STAU1: variants seen among roughly 807,000 people sequenced by gnomAD.
The protein encoded by STAU1 is staufen double-stranded RNA binding protein 1, also known as double-stranded RNA-binding protein Staufen homolog 1.
A neutral mutation model predicts 62.9 loss-of-function variants in STAU1; 13 were observed. That is an observed-to-expected ratio of 0.21 (90% CI 0.13 to 0.33). The LOEUF (loss-of-function observed/expected upper bound fraction) is 0.33, where lower values mean the gene tolerates loss of function less well. Among genes scored for constraint, STAU1 ranks in the 10% least tolerant of loss-of-function variants. The pLI is 1.00. For missense variants in STAU1, 571 were observed against 712.1 expected, an observed-to-expected ratio of 0.80 and a Z score of 2.25; for synonymous variants, 269 against 265.1, an observed-to-expected ratio of 1.01 and a Z score of -0.14.
intron 6 of STAU1, among the ~76,000 whole-genome samples, chr20:49,129,641 T>TC (rs2092710102): frequency 6.8e-6 from 1 of 146,086 alleles, no homozygotes; most frequent in Non-Finnish European, 1.5e-5. Context: ...TTTTTTTTTT[T>TC]TTTTTTTTTT....
intron 3 of STAU1, chr20:49,158,456 T>C: frequency 4.6e-6 from 6 of 1,304,822 alleles, no homozygotes; most frequent in South Asian, 1.2e-5. Flanking sequence ...TGATTTTTCT[T>C]GTAGGTCTTA....
At chr20:49,215,874 G>C in the STAU1 span, among the ~76,000 whole-genome samples, 1 of 151,800 alleles carries the variant, frequency 6.6e-6, no homozygotes, top group African/African-American at 2.4e-5. Context: ...TGGGTGTGGT[G>C]GCACATGCCT....
At chr20:49,196,784 GA>G in the STAU1 span, among the ~76,000 whole-genome samples, 58,874 of 145,036 alleles carry the variant, frequency 0.41, 11,858 homozygotes, top group African/African-American at 0.47. Flanking sequence ...AGGAAAAAAA[GA>G]AAAAAAAAAA....
chr20:49,127,034 C>A (rs1412530162), intron 6 of STAU1, among the ~76,000 whole-genome samples: 2 of 152,052 alleles, frequency 1.3e-5, no homozygotes, highest in East Asian at 3.9e-4. Context: ...AGATATCCAC[C>A]ATAAAGAAAA....
At chr20:49,134,879 C>T (rs2092839933) in intron 6 of STAU1, 1 of 1,588,062 alleles carries the variant, frequency 6.3e-7, no homozygotes, top group Non-Finnish European at 8.6e-7. Context: ...AGCCTATTTA[C>T]AACAGCTAAG....
chr20:49,151,697 G>C lies in STAU1; in HGVS notation c.395C>G (p.Ser132Cys). Residue 132 changes from serine to cysteine, a missense_variant, in exon 5 of 14, where the codon TCT becomes TGT. Ser to Cys is a moderately radical substitution (Grantham distance 112, BLOSUM62 -1). Around this residue, in one of 3 missense-constraint regions of STAU1, gnomAD observed 414 missense variants for 499.6 expected, o/e 0.83. Transcript: ENST00000371856. The part of the protein sequence containing the change: ...VPPLLYQVEL[S>C]VGGQQFNGKG... ...GCCATTAAATTGCTGTCCTCCCACA[G>C]AAAGTTCCACTTGATAAAGTAAAGG... 1.2e-6 allele frequency: 2 copies of C among 1,610,808 alleles called. No individual in the cohort carries two copies. The highest frequency in any genetic ancestry group is 1.7e-6 in the Non-Finnish European group (2 of 1,178,940).
At chr20:49,126,000 TAAAATTAAACATG>T (rs2145910075) in intron 6 of STAU1, among the ~76,000 whole-genome samples, 1 of 152,078 alleles carries the variant, frequency 6.6e-6, no homozygotes, top group South Asian at 2.1e-4. Context: ...GGAAAGAATC[TAAAATTAAACATG>T]AACAGAAAGT....
At chr20:49,204,598 ATATATATATATATATATATATATATGTG>A in the STAU1 span, among the ~76,000 whole-genome samples, 65 of 29,614 alleles carry the variant, frequency 2.2e-3, no homozygotes, top group East Asian at 8.2e-3. Flanking sequence ...TACATTATAT[ATATATATATATATATATATATATATGTG>A]TATATATATA....
chr20:49,157,480 AT>A (rs964768758), intron 3 of STAU1, among the ~76,000 whole-genome samples: 65 of 146,124 alleles, frequency 4.4e-4, no homozygotes, highest in Admixed American at 7.5e-4. Context: ...TACTTGGCTA[AT>A]TTTTTTTTTT....
intron 1 of STAU1, among the ~76,000 whole-genome samples, chr20:49,187,290 T>C (rs1193450803): frequency 2.0e-5 from 3 of 152,080 alleles, no homozygotes; most frequent in African/African-American, 7.2e-5. Context: ...TAAGCGGAGA[T>C]GGAAAGAAAC....
the STAU1 span, among the ~76,000 whole-genome samples, chr20:49,196,725 T>TGGC: frequency 6.8e-6 from 1 of 146,974 alleles, no homozygotes; most frequent in Non-Finnish European, 1.5e-5. Context: ...TGAACAGACA[T>TGGC]GGCACCACAG....
At chr20:49,140,043 G>A (rs2092972950) in intron 5 of STAU1, among the ~76,000 whole-genome samples, 1 of 151,732 alleles carries the variant, frequency 6.6e-6, no homozygotes, top group African/African-American at 2.4e-5. Flanking sequence ...AAAATTAGCT[G>A]AGCGTGGTGA....
upstream of STAU1, among the ~76,000 whole-genome samples, chr20:49,192,345 CAAA>C (rs575816817): frequency 3.0e-5 from 2 of 67,636 alleles, no homozygotes; most frequent in Admixed American, 1.6e-4. Flanking sequence ...GACTCCATCT[CAAA>C]AAAAAAAAAA....
chr20:49,211,353 G>C, the STAU1 span, among the ~76,000 whole-genome samples: 3 of 150,030 alleles, frequency 2.0e-5, no homozygotes, highest in Non-Finnish European at 4.4e-5. Context: ...TGAATTGCTG[G>C]TTCATATAGT....
chr20:49,114,578 G>T lies in STAU1; in HGVS notation c.*300C>A, dbSNP rs989779987. The T allele has an allele frequency of 1.0e-5, 4 of 386,068 alleles. No individual in the cohort carries two copies. The highest frequency in any genetic ancestry group is 8.3e-5 in the African/African-American group (4 of 48,392). 23.9% of individuals were successfully genotyped at this position (386,068 alleles called of 1,614,324 possible). A position where few individuals can be genotyped will look rare whatever the true frequency, so the allele number is the denominator to read the frequency against. On this transcript the variant is annotated 3_prime_UTR_variant, in exon 14 of 14. Transcript: ENST00000371856. ...CCAAACACGGAGGTGCCCAGGGTGT[G>T]GATCTGCTGGTGTCCCGGGAGAACC... is the stretch of plus-strand genomic sequence containing the variant.
the STAU1 span, among the ~76,000 whole-genome samples, chr20:49,200,326 C>G: frequency 2.0e-5 from 3 of 152,112 alleles, no homozygotes; most frequent in African/African-American, 7.2e-5. Context: ...CGGCCAGGTG[C>G]GGTGGCTCAC....
chr20:49,192,786 C>G (rs1031643776), upstream of STAU1, among the ~76,000 whole-genome samples: 1 of 151,910 alleles, frequency 6.6e-6, no homozygotes, highest in Non-Finnish European at 1.5e-5. Flanking sequence ...TGGAGTGAGA[C>G]CCTGACTCAA....
chr20:49,150,397 T>C (rs1274021903), intron 5 of STAU1, among the ~76,000 whole-genome samples: 1 of 152,096 alleles, frequency 6.6e-6, no homozygotes, highest in East Asian at 1.9e-4. Context: ...AGTCTCGCTC[T>C]GTCCCTGAGG....
upstream of STAU1, among the ~76,000 whole-genome samples, chr20:49,191,582 G>A (rs904388753): frequency 6.6e-6 from 1 of 152,100 alleles, no homozygotes; most frequent in Non-Finnish European, 1.5e-5. Context: ...CTAAGAAACA[G>A]GGAACACCTG....
Sources: allele counts gnomAD v4.1 joint callset (sites outside exome capture counted in the v4.1 genomes callset), GRCh38; gene constraint gnomAD v4.1.1; regional missense constraint gnomAD v4.1.1; transcripts MANE v1.5; gene names NCBI Gene and HGNC (gene_info 2026-07-23, HGNC 2026-07-21).